Variants in FGD5 observed in about 807,000 individuals in gnomAD.
The protein encoded by FGD5 is FYVE, RhoGEF and PH domain containing 5.
A neutral mutation model predicts 133.4 loss-of-function variants in FGD5; 28 were observed. That is an observed-to-expected ratio of 0.21 (90% confidence interval 0.16 to 0.29). The LOEUF is 0.29. Ranked by LOEUF, FGD5 falls within the 10% of genes least tolerant of loss-of-function variation. The pLI, the probability that FGD5 is intolerant of heterozygous loss-of-function variation, is 1.00. For missense variants in FGD5, 1,858 were observed against 1,895.2 expected, an observed-to-expected ratio of 0.98 and a Z score of 0.36; for synonymous variants, 810 against 776.5, an observed-to-expected ratio of 1.04 and a Z score of -0.72.
chr3:14,813,122 C>G (rs1197492613), intron 1 of FGD5, among the ~76,000 whole-genome samples: 1 of 152,102 alleles, frequency 6.6e-6, no homozygotes, highest in Non-Finnish European at 1.5e-5. Flanking sequence ...TAGGAAATGT[C>G]TGCCAGTCGA....
At chr3:14,911,022 G>T in intron 11 of FGD5, 93 bp downstream of exon 11, 1 of 1,240,200 alleles carries the variant, frequency 8.1e-7, no homozygotes. Context: ...AATAGGGTGA[G>T]AGGAGAGTAG....
intron 9 of FGD5, 113 bp downstream of exon 9, chr3:14,901,174 C>T (rs1304579254): frequency 3.6e-6 from 4 of 1,117,462 alleles, no homozygotes; most frequent in South Asian, 2.5e-5. Context: ...AACCGTCTCT[C>T]TTGTGGGACT....
chr3:14,864,285 TGGGCATCG>T (rs748399027), intron 2 of FGD5, 25 bp downstream of exon 2: 1 of 1,613,624 alleles, frequency 6.2e-7, no homozygotes, highest in Non-Finnish European at 8.5e-7. Flanking sequence ...AGGTAGGCCG[TGGGCATCG>T]GAGACGTGAG....
intron 4 of FGD5, among the ~76,000 whole-genome samples, chr3:14,895,120 G>C (rs1455222936): frequency 1.3e-5 from 2 of 152,162 alleles, no homozygotes; most frequent in African/African-American, 4.8e-5. Context: ...TCCTTTGTCA[G>C]ATGAATAGGT....
At chr3:14,830,618 G>A (rs764914489) in intron 1 of FGD5, among the ~76,000 whole-genome samples, 10 of 152,162 alleles carry the variant, frequency 6.6e-5, no homozygotes, top group South Asian at 2.1e-4. Context: ...GGAGTTCTTC[G>A]GTGAAATGTC....
At chr3:14,838,817 CA>C (rs2125083388) in intron 1 of FGD5, among the ~76,000 whole-genome samples, 1 of 152,326 alleles carries the variant, frequency 6.6e-6, no homozygotes, top group African/African-American at 2.4e-5. Flanking sequence ...AGTCAGATGA[CA>C]TTGCTGGGGC....
At chr3:14,871,537 T>G (rs994554306) in intron 2 of FGD5, among the ~76,000 whole-genome samples, 1 of 152,182 alleles carries the variant, frequency 6.6e-6, no homozygotes, top group African/African-American at 2.4e-5. Context: ...CAGAGAGTGC[T>G]GCATTTCAGT....
intron 1 of FGD5, among the ~76,000 whole-genome samples, chr3:14,848,752 A>G (rs968623642): frequency 1.8e-4 from 28 of 152,324 alleles, no homozygotes; most frequent in Middle Eastern, 6.8e-3. Flanking sequence ...CTTCAGCCCC[A>G]TTAGCTTAGC....
chr3:14,876,187 G>C (rs2037716070), intron 2 of FGD5, among the ~76,000 whole-genome samples: 1 of 152,166 alleles, frequency 6.6e-6, no homozygotes, highest in South Asian at 2.1e-4. Context: ...AGGCCAAAAG[G>C]CCTGGGGTTC....
At chr3:14,860,795 G>A (rs1405995849) in intron 1 of FGD5, among the ~76,000 whole-genome samples, 1 of 148,612 alleles carries the variant, frequency 6.7e-6, no homozygotes, top group Non-Finnish European at 1.5e-5. Flanking sequence ...CCAACATAGT[G>A]AGACCCCTTT....
chr3:14,882,697 G>GA (rs140724200), intron 4 of FGD5, among the ~76,000 whole-genome samples: 13,537 of 123,430 alleles, frequency 0.11, 809 homozygotes, highest in East Asian at 0.3. Context: ...GACTCTGTCT[G>GA]AAAAAAAAAA....
rs753296019 is a variant in FGD5, at chr3:14,932,661, A to G, written c.4282A>G (p.Ile1428Val). 1.4e-5 allele frequency: 22 copies of G among 1,613,928 alleles called. No homozygotes were observed. The highest frequency in any genetic ancestry group is 4.0e-5 in the African/African-American group (3 of 74,946). Reference sequence around the variant, plus strand: ...AGAGGGCAGCAGTGAAGTAGGACCTATTTTTCACCTTTACCACAAGAAAAC... The same window carrying G: ...AGAGGGCAGCAGTGAAGTAGGACCTGTTTTTCACCTTTACCACAAGAAAAC... Reference protein sequence around the residue: ...KEEGSSEVGPIFHLYHKKTLF... With the variant: ...KEEGSSEVGPVFHLYHKKTLF... Residue 1428 changes from isoleucine (I) to valine (V), a missense_variant, in exon 19 of 20, where the codon ATT becomes GTT. By Grantham distance (29) the Ile-to-Val change is conservative. Coordinates refer to ENST00000285046, the MANE Select transcript of FGD5 (RefSeq NM_152536.4).
At chr3:14,845,602 G>T (rs2037035868) in intron 1 of FGD5, among the ~76,000 whole-genome samples, 3 of 152,166 alleles carry the variant, frequency 2.0e-5, no homozygotes, top group Admixed American at 2.0e-4. Flanking sequence ...CATCTACTGA[G>T]GCTGGGATGT....
intron 19 of FGD5, 47 bp from the exon 20 acceptor site, chr3:14,933,084 A>C (rs766297040): frequency 3.3e-5 from 53 of 1,603,334 alleles, no homozygotes; most frequent in Non-Finnish European, 4.3e-5. Context: ...GACCAGAGTC[A>C]TAGGCAGAGC....
At position 14,922,540 on chromosome 3, in the gene FGD5, T is replaced by C; in HGVS notation, c.3799T>C (p.Cys1267Arg). 6.3e-7 allele frequency: 1 copy of C among 1,579,418 alleles called. No homozygotes were observed. Among genetic ancestry groups the C allele is most frequent in the Non-Finnish European group, 8.6e-7 (1 of 1,163,084 alleles). ...LTLRRHHCHACGKIVCRNCSR... is the reference protein window; with the variant it reads ...LTLRRHHCHARGKIVCRNCSR... ...CCTGCGGCGTCATCACTGTCACGCC[T>C]GTGGCAAGGTGAGTCGCTGCATCTG... The change falls in exon 15 of 20, where the codon TGT becomes CGT. Residue 1267 changes from cysteine (C) to arginine (R), a missense_variant. Coordinates refer to ENST00000285046, the MANE Select transcript of FGD5 (RefSeq NM_152536.4). This position sits in a 1 kb window ranked among gnomAD's most constrained non-coding sequence, Gnocchi z 4.1.
intron 4 of FGD5, among the ~76,000 whole-genome samples, chr3:14,892,070 G>A (rs1421975881): frequency 6.6e-6 from 1 of 151,960 alleles, no homozygotes; most frequent in Admixed American, 6.5e-5. Flanking sequence ...CCCCTGCAGG[G>A]AGGGGTAGAA....
intron 2 of FGD5, 25 bp downstream of exon 2, chr3:14,864,285 T>C: frequency 6.2e-7 from 1 of 1,613,624 alleles, no homozygotes; most frequent in African/African-American, 1.3e-5. Context: ...AGGTAGGCCG[T>C]GGGCATCGGA....
intron 1 of FGD5, among the ~76,000 whole-genome samples, chr3:14,812,817 G>A (rs911763553): frequency 3.3e-5 from 5 of 152,212 alleles, no homozygotes; most frequent in Non-Finnish European, 5.9e-5. Context: ...CACGTAAGGT[G>A]CCTAGAAAGA....
At chr3:14,880,224 C>T (rs1367157461) in intron 2 of FGD5, among the ~76,000 whole-genome samples, 3 of 152,068 alleles carry the variant, frequency 2.0e-5, no homozygotes, top group Non-Finnish European at 4.4e-5. Flanking sequence ...TGTGGTGGTA[C>T]ATACCTATAG....
Sources: allele counts gnomAD v4.1 joint callset (sites outside exome capture counted in the v4.1 genomes callset), GRCh38; gene constraint gnomAD v4.1.1; non-coding constraint Gnocchi (gnomAD v3.1); transcripts MANE v1.5; gene names NCBI Gene and HGNC (gene_info 2026-07-23, HGNC 2026-07-21).